The following MAGI3 variants were observed in gnomAD, a reference collection of about 807,000 sequenced individuals.
MAGI3 encodes the protein membrane-associated guanylate kinase, WW and PDZ domain-containing protein 3.
A neutral mutation model predicts 121.8 loss-of-function variants in MAGI3; 43 were observed. The ratio of observed to expected loss-of-function variants is 0.35; its 90% CI spans 0.28 to 0.46. The LOEUF is 0.46. MAGI3 is among the 20% of genes least tolerant of loss of function. MAGI3 has a pLI of 1.00. For synonymous variants in MAGI3, 553 were observed against 639.3 expected (o/e 0.86, Z 2.04); for missense variants, 1,547 against 1,797.3 (o/e 0.86, Z 2.52).
intron 1 of MAGI3, among the ~76,000 whole-genome samples, chr1:113,466,886 A>G (rs574304592): frequency 2.6e-5 from 4 of 151,758 alleles, no homozygotes; most frequent in Non-Finnish European, 5.9e-5. Context: ...CTTTTACAAA[A>G]CCAACTTTTT....
intron 1 of MAGI3, among the ~76,000 whole-genome samples, chr1:113,411,790 C>T (rs193094268): frequency 5.3e-5 from 8 of 151,064 alleles, no homozygotes; most frequent in Admixed American, 3.3e-4. Context: ...AAGTTAAAAT[C>T]AATTAAGAAT....
At chr1:113,635,147 A>C (rs1014219750) in intron 9 of MAGI3, among the ~76,000 whole-genome samples, 2 of 152,208 alleles carry the variant, frequency 1.3e-5, no homozygotes, top group African/African-American at 4.8e-5. Flanking sequence ...GGGGTTTTCT[A>C]GATATACAAT....
At chr1:113,410,482 A>G (rs1651917392) in intron 1 of MAGI3, among the ~76,000 whole-genome samples, 2 of 152,008 alleles carry the variant, frequency 1.3e-5, no homozygotes, top group South Asian at 2.1e-4. Flanking sequence ...GTGTGAATAC[A>G]TGGTCAAAAA....
intron 1 of MAGI3, among the ~76,000 whole-genome samples, chr1:113,524,209 A>C (rs1344783800): frequency 6.6e-6 from 1 of 152,192 alleles, no homozygotes; most frequent in East Asian, 1.9e-4. Flanking sequence ...TGGGGCACTC[A>C]TGGAGAACCT....
At chr1:113,625,880 T>G (rs1557859664) in intron 9 of MAGI3, among the ~76,000 whole-genome samples, 1 of 152,122 alleles carries the variant, frequency 6.6e-6, no homozygotes, top group Non-Finnish European at 1.5e-5. Context: ...ATATAACCAG[T>G]TTTTTTAGGG....
chr1:113,628,076 G>C (rs1412706537), intron 9 of MAGI3, among the ~76,000 whole-genome samples: 1 of 151,954 alleles, frequency 6.6e-6, no homozygotes, highest in Non-Finnish European at 1.5e-5. Flanking sequence ...TTGTTTTCTG[G>C]TTGTTTTGTG....
At chr1:113,396,531 G>C (rs1283066830) in intron 1 of MAGI3, among the ~76,000 whole-genome samples, 1 of 152,118 alleles carries the variant, frequency 6.6e-6, no homozygotes, top group African/African-American at 2.4e-5. Context: ...TGTAGGGAAA[G>C]AGGCAAATCC....
intron 9 of MAGI3, among the ~76,000 whole-genome samples, chr1:113,638,559 G>A (rs952699440): frequency 3.3e-5 from 5 of 152,232 alleles, no homozygotes; most frequent in South Asian, 2.1e-4. Context: ...TTCGTGAACC[G>A]TGAATGCTGC....
chr1:113,531,107 T>C (rs1365625513), intron 1 of MAGI3, among the ~76,000 whole-genome samples: 8 of 152,206 alleles, frequency 5.3e-5, no homozygotes, highest in Non-Finnish European at 1.0e-4. Flanking sequence ...ACTGAGTCCA[T>C]GTGCATCAGA....
intron 9 of MAGI3, among the ~76,000 whole-genome samples, chr1:113,633,482 C>G (rs1332582189): frequency 1.3e-5 from 2 of 151,480 alleles, no homozygotes; most frequent in South Asian, 4.2e-4. Context: ...GGGATGGTCT[C>G]GATCTCCTGA....
At chr1:113,650,888 A>T (rs1000275097) in intron 13 of MAGI3, 126 bp from the exon 14 acceptor site, 2 of 796,154 alleles carry the variant, frequency 2.5e-6, no homozygotes, top group African/African-American at 3.5e-5. Context: ...ACCTTTCTAA[A>T]ATATAACTGT....
intron 2 of MAGI3, among the ~76,000 whole-genome samples, chr1:113,575,940 T>A (rs1226296721): frequency 6.6e-6 from 1 of 152,158 alleles, no homozygotes; most frequent in Non-Finnish European, 1.5e-5. Flanking sequence ...TTTTCTGCGC[T>A]GCAGTGAGTT....
In MAGI3 at chr1:113,390,706, A is replaced by G. The variant is rs1650734093; in HGVS notation, c.-328A>G. The G allele has an allele frequency of 1.9e-5, 3 of 158,072 alleles. No homozygotes were observed. Among genetic ancestry groups the G allele is most frequent in the African/African-American group, 7.2e-5 (3 of 41,706 alleles). 9.8% of individuals were successfully genotyped at this position (158,072 alleles called of 1,614,324 possible). ...CGCCGCTCGGGCGCTGAGCCCAGGG[A>G]CCAGCCGGCGGCAGTGACCCCGCCC... is the stretch of plus-strand genomic sequence containing the variant. On this transcript the variant is annotated 5_prime_UTR_variant, in exon 1 of 21. Coordinates refer to ENST00000307546, the MANE Select transcript of MAGI3 (RefSeq NM_001142782.2).
At position 113,394,830 on chromosome 1, in the gene MAGI3, A is replaced by AAAC. The variant is rs1356560651; in HGVS notation, c.316+3484_316+3486dup. ...TGTATCCAGGGATGGAAATCATAGGAAACAATGTTATAGTTTGTTTAAATA... is the reference window on the plus strand; with the variant it reads ...TGTATCCAGGGATGGAAATCATAGGAAACAACAATGTTATAGTTTGTTTAAATA... On this transcript the variant is annotated intron_variant, in intron 1 of 20. Coordinates refer to ENST00000307546, the MANE Select transcript of MAGI3 (RefSeq NM_001142782.2). Among the ~76,000 whole-genome samples, 6 of 152,278 alleles carry AAAC rather than the reference A, an allele frequency of 3.9e-5. No individual in the cohort carries two copies. The East Asian group carries it at 1.2e-3, about 29-fold the overall frequency.
rs1041489014 is a variant in MAGI3 at position 113,390,572 on chromosome 1, C to A, written c.-462C>A. On this transcript the variant is annotated 5_prime_UTR_variant, in exon 1 of 21. Coordinates refer to ENST00000307546, the MANE Select transcript of MAGI3 (RefSeq NM_001142782.2). ...CCGCGCTACAGCTCCGCAGCGGCCA[C>A]GATCGATCCCGCGACGGGTCTACGC... is the stretch of plus-strand genomic sequence containing the variant. Among the ~76,000 whole-genome samples, 1 of 152,080 alleles carries A rather than the reference C, an allele frequency of 6.6e-6. No homozygotes were observed. The highest frequency in any genetic ancestry group is 2.4e-5 in the African/African-American group (1 of 41,444).
rs1186964331 is a variant in MAGI3, at chr1:113,619,804, A to G, written c.1145A>G (p.Gln382Arg). ...GCCAAAAGGAAAAAGCAGTTAGGAC[A>G]GGTTGAAATTGGGTCTTCAAAACCA... ...EEAKRKKQLG[Q>R]VEIGSSKPDM... Residue 382 changes from glutamine (Q) to arginine (R), a missense_variant, in exon 8 of 21, where the codon CAG (glutamine) becomes CGG (arginine). Coordinates refer to ENST00000307546, the MANE Select transcript of MAGI3 (RefSeq NM_001142782.2). 6.2e-6 allele frequency: 10 copies of G among 1,613,000 alleles called. No individual in the cohort carries two copies. The highest frequency in any genetic ancestry group is 8.5e-6 in the Non-Finnish European group (10 of 1,179,312).
chr1:113,415,578 CTT>C (rs1361262334), intron 1 of MAGI3, among the ~76,000 whole-genome samples: 1 of 151,976 alleles, frequency 6.6e-6, no homozygotes, highest in Admixed American at 6.6e-5. Flanking sequence ...TTGAGCATCA[CTT>C]TTGTTTAGTC....
intron 2 of MAGI3, among the ~76,000 whole-genome samples, chr1:113,576,395 C>G (rs1285932516): frequency 6.6e-6 from 1 of 152,162 alleles, no homozygotes; most frequent in Non-Finnish European, 1.5e-5. Flanking sequence ...CTCATGGCTT[C>G]CCTTGGTTAG....
At chr1:113,644,262 T>C (rs1652710611) in intron 11 of MAGI3, among the ~76,000 whole-genome samples, 1 of 152,058 alleles carries the variant, frequency 6.6e-6, no homozygotes, top group Admixed American at 6.5e-5. Context: ...AGGCTTATTT[T>C]TTTATTATTT....
Sources: gnomAD v4.1 joint callset for allele counts (sites outside exome capture counted in the v4.1 genomes callset) on GRCh38, gnomAD v4.1.1 for gene constraint, MANE v1.5 for transcripts, NCBI Gene and HGNC (gene_info 2026-07-23, HGNC 2026-07-21) for gene names.